Variants in SV2C observed in about 807,000 individuals in gnomAD.
The protein encoded by SV2C is solute carrier family 22 member B3.
Under a neutral mutation model 79.7 loss-of-function variants are expected in SV2C, and 49 were observed. The observed-to-expected ratio is 0.61, with a 90% confidence interval of 0.49 to 0.78. The LOEUF (loss-of-function observed/expected upper bound fraction) is 0.78, where lower values mean the gene tolerates loss of function less well. Ranked by LOEUF, SV2C falls within the 30% of genes least tolerant of loss-of-function variation. The pLI is 0.00. For synonymous variants in SV2C, 334 were observed against 333.2 expected, an observed-to-expected ratio of 1.00 and a Z score of -0.03; for missense variants, 833 against 912.9, an observed-to-expected ratio of 0.91 and a Z score of 1.13.
the SV2C span, among the ~76,000 whole-genome samples, chr5:76,059,525 C>A: frequency 6.6e-6 from 1 of 150,766 alleles, no homozygotes; most frequent in Admixed American, 6.6e-5. Context: ...AGAAGCAATT[C>A]CTCACCCATT....
intron 1 of SV2C, among the ~76,000 whole-genome samples, chr5:76,107,838 T>C (rs1323284352): frequency 6.6e-6 from 1 of 152,108 alleles, no homozygotes; most frequent in Non-Finnish European, 1.5e-5. Context: ...GGGCAACAGA[T>C]GAAGACCCTA....
intron 6 of SV2C, among the ~76,000 whole-genome samples, chr5:76,288,428 A>G (rs1203496249): frequency 1.3e-5 from 2 of 152,190 alleles, no homozygotes; most frequent in East Asian, 1.9e-4. Flanking sequence ...TAAGGCCTGG[A>G]AGCTTTTGAG....
At chr5:76,122,201 A>G (rs1480727794) in intron 1 of SV2C, among the ~76,000 whole-genome samples, 81 of 151,308 alleles carry the variant, frequency 5.4e-4, no homozygotes, top group African/African-American at 1.4e-3. Context: ...GAATGCTTGT[A>G]ATTTTTGTAC....
Position 76,339,538 on chromosome 5 carries a change from CT to C in SV2C, c.2001-13591del, listed in dbSNP as rs748029170. On this transcript the variant is annotated intron_variant, in intron 12 of 12. Transcript: ENST00000322285. ...GACCATCCTGGCTAACAAGGTGAAACTCTGTCTCTACTAAAAATACAAAAAA... is the reference window on the plus strand; with the variant it reads ...GACCATCCTGGCTAACAAGGTGAAACCTGTCTCTACTAAAAATACAAAAAA... 5.3e-5 allele frequency among the ~76,000 whole-genome samples: 8 copies of C among 152,152 alleles called. No homozygotes were observed. In the South Asian group the frequency reaches 6.2e-4, roughly 12 times the overall value.
chr5:76,116,908 T>C (rs1748285863), intron 1 of SV2C, among the ~76,000 whole-genome samples: 1 of 152,190 alleles, frequency 6.6e-6, no homozygotes, highest in South Asian at 2.1e-4. Context: ...GAAGACACTC[T>C]GGGTGCGCTT....
chr5:75,920,555 C>G, the SV2C span: 1 of 483,348 alleles, frequency 2.1e-6, no homozygotes, highest in Non-Finnish European at 3.7e-6. Context: ...GAATAAGAAG[C>G]CATGGCTGGC....
At chr5:75,941,184 G>A in the SV2C span, among the ~76,000 whole-genome samples, 2 of 152,026 alleles carry the variant, frequency 1.3e-5, no homozygotes, top group East Asian at 1.9e-4. Context: ...AAAAAATAAA[G>A]AAAAAAGAAG....
At chr5:76,118,507 T>C (rs1748356831) in intron 1 of SV2C, among the ~76,000 whole-genome samples, 1 of 152,182 alleles carries the variant, frequency 6.6e-6, no homozygotes, top group Non-Finnish European at 1.5e-5. Context: ...AAAAGACATG[T>C]TCAACTTCAC....
At chr5:76,064,536 C>T in the SV2C span, among the ~76,000 whole-genome samples, 1 of 152,176 alleles carries the variant, frequency 6.6e-6, no homozygotes, top group Non-Finnish European at 1.5e-5. Flanking sequence ...GTCATCATCC[C>T]CAAAAGCATT....
intron 2 of SV2C, among the ~76,000 whole-genome samples, chr5:76,146,940 C>A (rs1342544705): frequency 6.6e-6 from 1 of 151,746 alleles, no homozygotes. Flanking sequence ...TATTATGCCA[C>A]ACACAAAGGG....
At chr5:75,932,345 T>G in the SV2C span, among the ~76,000 whole-genome samples, 1 of 152,206 alleles carries the variant, frequency 6.6e-6, no homozygotes, top group Non-Finnish European at 1.5e-5. Context: ...TCAGTTCATG[T>G]CTTGCTCTGC....
intron 4 of SV2C, among the ~76,000 whole-genome samples, chr5:76,248,639 G>C (rs886614772): frequency 9.2e-6 from 1 of 109,052 alleles, no homozygotes; most frequent in Non-Finnish European, 2.1e-5. Context: ...TTTTTTTTTT[G>C]AGACGGCCTT....
the SV2C span, among the ~76,000 whole-genome samples, chr5:75,867,449 G>A: frequency 6.6e-6 from 1 of 152,180 alleles, no homozygotes; most frequent in South Asian, 2.1e-4. Context: ...CCCTGAGAGC[G>A]AAGGAGAGAA....
chr5:75,909,964 A>G, the SV2C span, among the ~76,000 whole-genome samples: 1 of 152,218 alleles, frequency 6.6e-6, no homozygotes, highest in African/African-American at 2.4e-5. Context: ...CCTGCCCAGT[A>G]AACTCCATGT....
chr5:76,181,764 C>T (rs998186691), intron 2 of SV2C, among the ~76,000 whole-genome samples: 33 of 152,316 alleles, frequency 2.2e-4, no homozygotes, highest in Non-Finnish European at 4.3e-4. Context: ...TACAATTCAA[C>T]TTGAGATTTG....
the SV2C span, among the ~76,000 whole-genome samples, chr5:75,856,955 C>CT: frequency 0.046 from 5,930 of 128,496 alleles, 341 homozygotes; most frequent in African/African-American, 0.13. Flanking sequence ...GTCTTTAATC[C>CT]TTTTTTTTTT....
the SV2C span, among the ~76,000 whole-genome samples, chr5:76,067,833 T>C: frequency 6.6e-6 from 1 of 152,106 alleles, no homozygotes; most frequent in Non-Finnish European, 1.5e-5. Context: ...AGGTATTTTA[T>C]GTTTTCTCTT....
the SV2C span, among the ~76,000 whole-genome samples, chr5:76,005,642 T>C: frequency 6.6e-6 from 1 of 152,210 alleles, no homozygotes; most frequent in Non-Finnish European, 1.5e-5. Context: ...CCTAGATCAA[T>C]ATGCTGTTAT....
intron 12 of SV2C, among the ~76,000 whole-genome samples, chr5:76,318,048 A>T (rs891388657): frequency 4.6e-5 from 7 of 151,912 alleles, no homozygotes; most frequent in African/African-American, 1.5e-4. Flanking sequence ...ATCCACAAAG[A>T]GGCTGGATGT....
Sources: allele counts gnomAD v4.1 joint callset (sites outside exome capture counted in the v4.1 genomes callset), GRCh38; gene constraint gnomAD v4.1.1; transcripts MANE v1.5; gene names NCBI Gene and HGNC (gene_info 2026-07-23, HGNC 2026-07-21).